The following ZNF93 variants were observed in gnomAD, a reference collection of about 807,000 sequenced individuals.
ZNF93 encodes the protein zinc finger protein 93, also known as zinc finger protein 505.
In ZNF93, 29 loss-of-function variants were observed where a neutral mutation model predicts 45.0. The observed-to-expected ratio is 0.64, with a 90% confidence interval of 0.48 to 0.88. The LOEUF (loss-of-function observed/expected upper bound fraction) is 0.88, where lower values mean the gene tolerates loss of function less well. ZNF93 is among the 40% of genes least tolerant of loss of function. The probability of loss-of-function intolerance (pLI) is 0.00; values close to 1 mark genes in which losing one functional copy is unlikely to be tolerated. For missense variants in ZNF93, 578 were observed against 724.0 expected, an observed-to-expected ratio of 0.80 and a Z score of 2.31; for synonymous variants, 223 against 244.6, an observed-to-expected ratio of 0.91 and a Z score of 0.82.
chr19:19,934,095 G>T lies in ZNF93; in HGVS notation c.1140G>T (p.Trp380Cys). 1 of 1,605,016 alleles carries T rather than the reference G, an allele frequency of 6.2e-7. No homozygotes were observed. Among genetic ancestry groups the T allele is most frequent in the Non-Finnish European group, 8.5e-7 (1 of 1,177,492 alleles). ...KCEECGKAFI[W>C]SSVLTRHKRV... Reference sequence around the variant, plus strand: ...AAGAATGTGGCAAAGCCTTCATTTGGTCCTCAGTCCTAACTAGACATAAGA... The same window carrying T: ...AAGAATGTGGCAAAGCCTTCATTTGTTCCTCAGTCCTAACTAGACATAAGA... The change falls in exon 4 of 4, where the codon TGG becomes TGT. Residue 380 changes from tryptophan (W) to cysteine (C), a missense_variant. Physicochemically the swap from Trp to Cys is radical, Grantham distance 215. Around this residue, in one of 3 missense-constraint regions of ZNF93, gnomAD observed 446 missense variants for 547.6 expected, o/e 0.81. Coordinates refer to ENST00000343769, the MANE Select transcript of ZNF93 (RefSeq NM_031218.4).
At chr19:19,924,120 T>C (rs184736917) in intron 3 of ZNF93, among the ~76,000 whole-genome samples, 1 of 152,158 alleles carries the variant, frequency 6.6e-6, no homozygotes, top group East Asian at 1.9e-4. Context: ...GGGATTTCAG[T>C]CTTGTTGCCC....
At chr19:19,911,648 T>C (rs1187951657) in intron 1 of ZNF93, among the ~76,000 whole-genome samples, 1 of 152,202 alleles carries the variant, frequency 6.6e-6, no homozygotes, top group African/African-American at 2.4e-5. Flanking sequence ...GTATAATAAA[T>C]AGATGTGTTA....
At chr19:19,916,484 T>A (rs1454118790) in intron 2 of ZNF93, 76 bp from the exon 3 acceptor site, 1 of 1,143,728 alleles carries the variant, frequency 8.7e-7, no homozygotes, top group Non-Finnish European at 1.3e-6. Context: ...TATCACATCG[T>A]CTTTGCTGAG....
At chr19:19,906,184 C>T (rs918136653) in intron 1 of ZNF93, among the ~76,000 whole-genome samples, 38 of 152,250 alleles carry the variant, frequency 2.5e-4, no homozygotes, top group African/African-American at 8.7e-4. Flanking sequence ...TTCTCTGCAC[C>T]TTGCCAGTAT....
At chr19:19,913,795 G>GAGA (rs1007381542) in intron 1 of ZNF93, among the ~76,000 whole-genome samples, 6 of 152,002 alleles carry the variant, frequency 3.9e-5, no homozygotes, top group African/African-American at 1.5e-4. Context: ...AATCTCATCT[G>GAGA]AGAAGAAACT....
intron 1 of ZNF93, among the ~76,000 whole-genome samples, chr19:19,905,219 T>C (rs2063289195): frequency 6.6e-6 from 1 of 152,324 alleles, no homozygotes; most frequent in Middle Eastern, 3.4e-3. Flanking sequence ...TTTTTTCTTT[T>C]AGCTTTTATT....
intron 1 of ZNF93, among the ~76,000 whole-genome samples, chr19:19,904,929 A>ACT (rs2063288331): frequency 6.6e-6 from 1 of 152,130 alleles, no homozygotes; most frequent in Non-Finnish European, 1.5e-5. Flanking sequence ...AGAACTATGC[A>ACT]CTACCCTCAG....
chr19:19,913,200 C>T (rs781488945), intron 1 of ZNF93, among the ~76,000 whole-genome samples: 5 of 152,206 alleles, frequency 3.3e-5, no homozygotes, highest in Non-Finnish European at 7.3e-5. Flanking sequence ...AATCACATTA[C>T]AGAATGTGCG....
At chr19:19,905,935 T>C (rs889089720) in intron 1 of ZNF93, among the ~76,000 whole-genome samples, 2 of 152,232 alleles carry the variant, frequency 1.3e-5, no homozygotes, top group African/African-American at 4.8e-5. Context: ...TAGGCATTTA[T>C]GGCCTGTCCA....
At chr19:19,905,580 T>C (rs2063290467) in intron 1 of ZNF93, among the ~76,000 whole-genome samples, 1 of 152,230 alleles carries the variant, frequency 6.6e-6, no homozygotes, top group Admixed American at 6.5e-5. Flanking sequence ...ATGATGTTTA[T>C]GTTCCATATT....
In ZNF93 at chr19:19,933,186, A is replaced by T. The variant is rs746929213; in HGVS notation, c.231A>T (p.Ile77=). ...TGTTTTTATTGTTTCTTTCAGTTAT[A>T]TGTTCTCATTTTGCCCAAGATCTTT... ...RHEMVANPSV[I]CSHFAQDLWP... The change falls in exon 4 of 4, where the codon ATA becomes ATT. Residue 77 remains isoleucine (I), a synonymous_variant. Coordinates refer to ENST00000343769, the MANE Select transcript of ZNF93 (RefSeq NM_031218.4). The T allele has an allele frequency of 6.6e-6, 10 of 1,523,464 alleles. No individual in the cohort carries two copies. The highest frequency in any genetic ancestry group is 5.3e-6 in the Non-Finnish European group (6 of 1,136,294). The allele number at this position is 1,523,464 out of a possible 1,614,324, so 94.4% of individuals were successfully genotyped here.
At position 19,913,966 on chromosome 19, in the gene ZNF93, A is replaced by G. The variant is rs573873359; in HGVS notation, c.4-1314A>G. ...TTTCCTCCGTGAGTTTGATTTAACT[A>G]CTTCTTAAAATTCCTATGATGGTCA... On this transcript the variant is annotated intron_variant, in intron 1 of 3. Transcript: ENST00000343769. Among the ~76,000 whole-genome samples, 3 of 152,328 alleles carry G rather than the reference A, an allele frequency of 2.0e-5. No homozygotes were observed. The South Asian group carries it at 6.2e-4, about 32-fold the overall frequency.
intron 3 of ZNF93, chr19:19,932,028 C>A: frequency 2.8e-6 from 1 of 355,396 alleles, no homozygotes; most frequent in Non-Finnish European, 5.4e-6. Flanking sequence ...GTTATCCCAG[C>A]ACTTTGGGAG....
At chr19:19,925,299 T>C (rs950328917) in intron 3 of ZNF93, among the ~76,000 whole-genome samples, 1 of 152,166 alleles carries the variant, frequency 6.6e-6, no homozygotes, top group Non-Finnish European at 1.5e-5. Flanking sequence ...ATTTTGGAGA[T>C]GTCATCTTGC....
chr19:19,924,869 G>A (rs1027852998), intron 3 of ZNF93, among the ~76,000 whole-genome samples: 2 of 152,182 alleles, frequency 1.3e-5, no homozygotes, highest in Admixed American at 6.5e-5. Flanking sequence ...GGAATTACAG[G>A]CATGAGGCAC....
At chr19:19,927,187 A>G in intron 3 of ZNF93, 1 of 398,508 alleles carries the variant, frequency 2.5e-6, no homozygotes, top group Non-Finnish European at 4.4e-6. Context: ...CTGGAGCCCA[A>G]AAGTTTGAGA....
In ZNF93 at chr19:19,927,745, C is replaced by G. The variant is rs931019297; in HGVS notation, c.227-5437C>G. 5.3e-5 allele frequency among the ~76,000 whole-genome samples: 8 copies of G among 152,228 alleles called. No homozygotes were observed. The South Asian group carries it at 8.3e-4, about 16-fold the overall frequency. Reference sequence around the variant, plus strand: ...CATCTAGGGTGCTTCAGCCTATTGGCTTTTGTGAATACTGATTACAATAAA... The same window carrying G: ...CATCTAGGGTGCTTCAGCCTATTGGGTTTTGTGAATACTGATTACAATAAA... On this transcript the variant is annotated intron_variant, in intron 3 of 3. Coordinates refer to ENST00000343769, the MANE Select transcript of ZNF93 (RefSeq NM_031218.4).
chr19:19,934,943 T>C lies in ZNF93; in HGVS notation c.*125T>C. On this transcript the variant is annotated 3_prime_UTR_variant, in exon 4 of 4. Transcript: ENST00000343769. ...GCACAGTCTGGCAGAGGTCCTGCCA[T>C]TTCGGAGACCTGGAGGAAGTGGCCC... is the stretch of plus-strand genomic sequence containing the variant. The C allele has an allele frequency of 9.1e-7, 1 of 1,101,042 alleles. No individual in the cohort carries two copies. The highest frequency in any genetic ancestry group is 2.5e-5 in the East Asian group (1 of 39,728). 68.2% of individuals were successfully genotyped at this position (1,101,042 alleles called of 1,614,324 possible). A position where few individuals can be genotyped will look rare whatever the true frequency, so the allele number is the denominator to read the frequency against.
chr19:19,921,880 G>T (rs890386179), intron 3 of ZNF93, among the ~76,000 whole-genome samples: 1 of 152,020 alleles, frequency 6.6e-6, no homozygotes, highest in Non-Finnish European at 1.5e-5. Context: ...ACACTGATGG[G>T]TCTTGACTCT....
Sources: allele counts gnomAD v4.1 joint callset (sites outside exome capture counted in the v4.1 genomes callset), GRCh38; gene constraint gnomAD v4.1.1; regional missense constraint gnomAD v4.1.1; transcripts MANE v1.5; gene names NCBI Gene and HGNC (gene_info 2026-07-23, HGNC 2026-07-21).